Variants in CDK6 observed in about 807,000 individuals in gnomAD.
CDK6 encodes cyclin dependent kinase 6.
CDK6 carries 6 observed loss-of-function variants against 37.1 expected under a neutral mutation model. The ratio of observed to expected loss-of-function variants is 0.16; its 90% confidence interval spans 0.09 to 0.32. The LOEUF is 0.32. CDK6 is among the 10% of genes least tolerant of loss of function. The pLI is 1.00. For missense variants in CDK6, 224 were observed against 418.9 expected (o/e 0.53, Z 4.06); for synonymous variants, 160 against 161.3 (o/e 0.99, Z 0.06).
At chr7:92,766,583 G>A (rs893601097) in intron 3 of CDK6, among the ~76,000 whole-genome samples, 1 of 152,188 alleles carries the variant, frequency 6.6e-6, no homozygotes, top group Non-Finnish European at 1.5e-5. Flanking sequence ...CCAAGGAAAA[G>A]AAGAAGGCTG....
At chr7:92,821,772 A>G (rs1187397679) in intron 2 of CDK6, among the ~76,000 whole-genome samples, 1 of 151,782 alleles carries the variant, frequency 6.6e-6, no homozygotes, top group Non-Finnish European at 1.5e-5. Context: ...TAGTATTATC[A>G]GTGATGTCAC....
chr7:92,801,935 G>C (rs1022988471), intron 2 of CDK6, among the ~76,000 whole-genome samples: 6 of 148,616 alleles, frequency 4.0e-5, no homozygotes, highest in African/African-American at 1.2e-4. Context: ...CTCTCTTTTC[G>C]TCTCCTCTTC....
intron 2 of CDK6, among the ~76,000 whole-genome samples, chr7:92,824,733 T>C (rs1044664855): frequency 6.6e-6 from 1 of 152,130 alleles, no homozygotes; most frequent in Non-Finnish European, 1.5e-5. Context: ...TATAAACTAC[T>C]TGAAAGCAGG....
At chr7:92,755,104 T>A (rs1028488053) in intron 3 of CDK6, among the ~76,000 whole-genome samples, 4 of 152,130 alleles carry the variant, frequency 2.6e-5, no homozygotes, top group Non-Finnish European at 4.4e-5. Flanking sequence ...TTGATAATGA[T>A]CAGCAGAGCG....
intron 2 of CDK6, among the ~76,000 whole-genome samples, chr7:92,791,189 T>C (rs1584093389): frequency 6.6e-6 from 1 of 151,744 alleles, no homozygotes; most frequent in Non-Finnish European, 1.5e-5. Context: ...GGTGGAGGGA[T>C]GGGGAAGGAG....
chr7:92,829,114 C>T (rs1023653812), intron 2 of CDK6, among the ~76,000 whole-genome samples: 2 of 151,964 alleles, frequency 1.3e-5, no homozygotes, highest in African/African-American at 4.8e-5. Flanking sequence ...TTTCTTTTAC[C>T]CTGTTAACAA....
intron 5 of CDK6, among the ~76,000 whole-genome samples, chr7:92,634,013 G>A (rs1796114443): frequency 6.6e-6 from 1 of 152,012 alleles, no homozygotes; most frequent in Non-Finnish European, 1.5e-5. Context: ...ACTTGGCAGT[G>A]TTTTTATTTT....
At chr7:92,653,780 T>C (rs1011426093) in intron 5 of CDK6, among the ~76,000 whole-genome samples, 1 of 152,170 alleles carries the variant, frequency 6.6e-6, no homozygotes, top group African/African-American at 2.4e-5. Context: ...TCCTTTCTCT[T>C]TTCGTATTTA....
chr7:92,726,825 A>ATGAGAGGTATTAAC (rs1426313921), intron 3 of CDK6, among the ~76,000 whole-genome samples: 1 of 152,224 alleles, frequency 6.6e-6, no homozygotes, highest in East Asian at 1.9e-4. Context: ...ATGAATACGT[A>ATGAGAGGTATTAAC]AAATAAGGCA....
intron 4 of CDK6, among the ~76,000 whole-genome samples, chr7:92,693,016 C>G (rs762230899): frequency 6.6e-6 from 1 of 152,114 alleles, no homozygotes; most frequent in Non-Finnish European, 1.5e-5. Flanking sequence ...TTGCTCTTCA[C>G]GGGGTACTTC....
intron 2 of CDK6, among the ~76,000 whole-genome samples, chr7:92,802,781 A>T (rs1243409639): frequency 6.6e-6 from 1 of 152,148 alleles, no homozygotes; most frequent in African/African-American, 2.4e-5. Context: ...TCAACCATGG[A>T]GCTATTGATA....
At chr7:92,689,573 T>C (rs1232762625) in intron 4 of CDK6, among the ~76,000 whole-genome samples, 5 of 152,220 alleles carry the variant, frequency 3.3e-5, no homozygotes, top group Non-Finnish European at 1.5e-5. Flanking sequence ...TTTGCTATTG[T>C]GAATAGTGCT....
At chr7:92,666,831 G>C (rs1796966485) in intron 5 of CDK6, among the ~76,000 whole-genome samples, 1 of 152,052 alleles carries the variant, frequency 6.6e-6, no homozygotes, top group Non-Finnish European at 1.5e-5. Context: ...CTCTGTTGCT[G>C]GTTTATGTAT....
intron 2 of CDK6, among the ~76,000 whole-genome samples, chr7:92,788,427 C>T (rs140492687): frequency 9.2e-5 from 14 of 152,220 alleles, no homozygotes; most frequent in African/African-American, 3.4e-4. Context: ...TTGATTCTTA[C>T]CCATCTTAAT....
At chr7:92,750,042 T>C (rs1006804501) in intron 3 of CDK6, among the ~76,000 whole-genome samples, 2 of 152,156 alleles carry the variant, frequency 1.3e-5, no homozygotes, top group African/African-American at 4.8e-5. Context: ...AGGGCAAAGT[T>C]CAAACTAACA....
chr7:92,767,463 G>T (rs150461843), intron 3 of CDK6, among the ~76,000 whole-genome samples: 165 of 152,218 alleles, frequency 1.1e-3, no homozygotes, highest in African/African-American at 3.9e-3. Flanking sequence ...TTACACTGAA[G>T]ATTTTATTTC....
intron 3 of CDK6, among the ~76,000 whole-genome samples, chr7:92,769,120 T>A (rs1263493308): frequency 6.6e-6 from 1 of 152,218 alleles, no homozygotes; most frequent in Non-Finnish European, 1.5e-5. Flanking sequence ...CAGGTGCTAT[T>A]AACAGTGTGT....
In CDK6 at chr7:92,604,998, AG is replaced by A. The variant is rs1207419444; in HGVS notation, c.*10141del. The A allele has an allele frequency of 4.0e-5, 9 of 225,928 alleles. No homozygotes were observed. Among genetic ancestry groups the A allele is most frequent in the Non-Finnish European group, 7.0e-5 (8 of 113,652 alleles). 14.0% of individuals were successfully genotyped at this position (225,928 alleles called of 1,614,324 possible). ...TTTACATTAAAGTAAAAAAGAAAAT[AG>A]CCAGGAGAGTAATTCATCTCCAGAA... On this transcript the variant is annotated 3_prime_UTR_variant, in exon 8 of 8. Coordinates refer to ENST00000424848, the MANE Select transcript of CDK6 (RefSeq NM_001145306.2).
intron 5 of CDK6, among the ~76,000 whole-genome samples, chr7:92,667,730 T>G (rs1796990767): frequency 6.6e-6 from 1 of 151,922 alleles, no homozygotes; most frequent in Admixed American, 6.6e-5. Context: ...TTTTGTCTTT[T>G]TTGTAGAGAC....
Sources: allele counts gnomAD v4.1 joint callset (sites outside exome capture counted in the v4.1 genomes callset), GRCh38; gene constraint gnomAD v4.1.1; transcripts MANE v1.5; gene names NCBI Gene and HGNC (gene_info 2026-07-23, HGNC 2026-07-21).